PCDHA10: variants seen among roughly 807,000 people sequenced by gnomAD.
The protein encoded by PCDHA10 is protocadherin alpha-10.
In PCDHA10, 45 loss-of-function variants were observed where a neutral mutation model predicts 61.2. The observed-to-expected ratio is 0.74, with a 90% CI of 0.58 to 0.94. The LOEUF (loss-of-function observed/expected upper bound fraction) is 0.94. Among genes scored for constraint, PCDHA10 ranks in the 40% least tolerant of loss-of-function variants. The pLI, the probability that PCDHA10 is intolerant of heterozygous loss-of-function variation, is 0.00. For missense variants in PCDHA10, 1,278 were observed against 1,236.2 expected (o/e 1.03, Z -0.51); for synonymous variants, 602 against 548.8 (o/e 1.10, Z -1.35).
intron 1 of PCDHA10, among the ~76,000 whole-genome samples, chr5:140,959,354 A>C (rs1021119947): frequency 2.0e-5 from 3 of 152,244 alleles, no homozygotes; most frequent in African/African-American, 7.2e-5. Context: ...CAGCGGGACA[A>C]CTGAGTGAGA....
rs781926711 is a variant in PCDHA10, at chr5:140,857,551, C to G, written c.1503C>G (p.Arg501=). 5 of 1,596,944 alleles carry G rather than the reference C, an allele frequency of 3.1e-6. No individual in the cohort carries two copies. The change falls in exon 1 of 4, where the codon CGC becomes CGG. Residue 501 remains arginine, a synonymous_variant. Transcript: ENST00000307360. ...TGGTGGAGCGGCGGTTGGGCGAGCG[C>G]TCGCTGTCGAGCTACGTGTCGGTGC... ...YSLVERRLGE[R]SLSSYVSVHA... is the part of the protein sequence containing the mutation.
intron 1 of PCDHA10, among the ~76,000 whole-genome samples, chr5:140,936,341 A>G (rs954946684): frequency 7.2e-5 from 11 of 152,172 alleles, no homozygotes; most frequent in African/African-American, 2.7e-4. Flanking sequence ...CTCTATCTGC[A>G]TATATGGAAT....
chr5:140,973,388 G>T (rs1192097180), intron 1 of PCDHA10, among the ~76,000 whole-genome samples: 4 of 152,202 alleles, frequency 2.6e-5, no homozygotes, highest in South Asian at 4.1e-4. Flanking sequence ...AATAGACAAA[G>T]AAATCATATC....
At chr5:140,983,168 C>G (rs2097030716) in intron 3 of PCDHA10, among the ~76,000 whole-genome samples, 1 of 152,146 alleles carries the variant, frequency 6.6e-6, no homozygotes. Context: ...CCAAACATGA[C>G]CGCCTCACAA....
In PCDHA10 at chr5:140,986,314, A is replaced by G. The variant is rs551389701; in HGVS notation, c.2536+3751A>G. On this transcript the variant is annotated intron_variant, in intron 3 of 3. Transcript: ENST00000307360. ...TGAGCAGAGAGAGAAAATTAGCTAA[A>G]TCAGGAATGCAGGGAATACAGTTGC... 9.4e-4 allele frequency among the ~76,000 whole-genome samples: 143 copies of G among 152,196 alleles called. 1 individual carries two copies. The highest frequency in any genetic ancestry group is 1.6e-3 in the Non-Finnish European group (110 of 68,030).
chr5:140,954,599 C>T (rs1554221480), intron 1 of PCDHA10, among the ~76,000 whole-genome samples: 1 of 152,042 alleles, frequency 6.6e-6, no homozygotes, highest in East Asian at 1.9e-4. Flanking sequence ...ATGTTCTTTG[C>T]CCACTTTTTA....
Position 140,927,704 on chromosome 5 carries a change from C to T in PCDHA10, c.2389-51245C>T, listed in dbSNP as rs782172290. ...GGGTCCAATGGGGAAGTCCAGTACT[C>T]CCTAAGCAACAGCACGCAAGCAGAG... On this transcript the variant is annotated intron_variant, in intron 1 of 3. Coordinates refer to ENST00000307360, the MANE Select transcript of PCDHA10 (RefSeq NM_018901.4). 6.2e-6 allele frequency: 10 copies of T among 1,614,072 alleles called. No homozygotes were observed. In the Admixed American group the frequency reaches 1.2e-4, roughly 19 times the overall value.
intron 2 of PCDHA10, among the ~76,000 whole-genome samples, chr5:140,981,648 C>T (rs1294806137): frequency 6.6e-6 from 1 of 152,020 alleles, no homozygotes; most frequent in Non-Finnish European, 1.5e-5. Context: ...TCTTAGGATC[C>T]CACTTATTTC....
intron 2 of PCDHA10, among the ~76,000 whole-genome samples, chr5:140,979,729 C>CA: frequency 6.6e-6 from 1 of 152,232 alleles, no homozygotes; most frequent in African/African-American, 2.4e-5. Flanking sequence ...GCCATGGGGC[C>CA]AAATAAAAGA....
chr5:140,990,956 G>T (rs1179435982), intron 3 of PCDHA10, among the ~76,000 whole-genome samples: 1 of 152,136 alleles, frequency 6.6e-6, no homozygotes, highest in Non-Finnish European at 1.5e-5. Context: ...TGTAGAAATA[G>T]TCTCTTAGAA....
In PCDHA10 at chr5:141,010,994, G is replaced by A. The variant is rs1338532762; in HGVS notation, c.*1057G>A. ...TTTAAGAGAATTGCCTGAAACATCTGTATTATATCGGCCACCTGCCAATCA... is the reference window on the plus strand; with the variant it reads ...TTTAAGAGAATTGCCTGAAACATCTATATTATATCGGCCACCTGCCAATCA... On this transcript the variant is annotated 3_prime_UTR_variant, in exon 4 of 4. Transcript: ENST00000307360. The A allele has an allele frequency of 6.5e-6, 1 of 153,710 alleles. No homozygotes were observed. The highest frequency in any genetic ancestry group is 1.5e-5 in the Non-Finnish European group (1 of 68,046). The allele number at this position is 153,710 out of a possible 1,614,324, so 9.5% of individuals were successfully genotyped here.
intron 1 of PCDHA10, chr5:140,875,909 C>A (rs1554168058): frequency 1.2e-6 from 2 of 1,614,048 alleles, no homozygotes; most frequent in African/African-American, 2.7e-5. Flanking sequence ...TCTGAATCTG[C>A]GCCTCTGGAC....
At chr5:140,927,360 T>G in intron 1 of PCDHA10, 1 of 1,613,972 alleles carries the variant, frequency 6.2e-7, no homozygotes, top group Non-Finnish European at 8.5e-7. Flanking sequence ...AGGGAAGCAA[T>G]GGGATACTAA....
intron 1 of PCDHA10, among the ~76,000 whole-genome samples, chr5:140,886,582 C>A (rs1304608793): frequency 6.6e-6 from 1 of 151,938 alleles, no homozygotes; most frequent in African/African-American, 2.4e-5. Flanking sequence ...AATCCCAGCA[C>A]TTTGGGAGGC....
At chr5:140,927,946 G>T (rs1341193072) in intron 1 of PCDHA10, 1 of 1,614,096 alleles carries the variant, frequency 6.2e-7, no homozygotes, top group African/African-American at 1.3e-5. Context: ...AGTACCTGAG[G>T]ACGCTGCCCC....
At chr5:140,969,346 AG>A (rs2096322383) in intron 1 of PCDHA10, 1 of 1,613,510 alleles carries the variant, frequency 6.2e-7, no homozygotes, top group African/African-American at 1.3e-5. Flanking sequence ...GACAGTGGTC[AG>A]GGGGTCTTCT....
intron 1 of PCDHA10, among the ~76,000 whole-genome samples, chr5:140,896,952 T>G (rs2153454853): frequency 6.6e-6 from 1 of 152,352 alleles, no homozygotes; most frequent in East Asian, 1.9e-4. Context: ...GCCATTCCCT[T>G]AAACATTTAT....
chr5:140,955,726 C>T (rs934215613), intron 1 of PCDHA10, among the ~76,000 whole-genome samples: 1 of 152,264 alleles, frequency 6.6e-6, no homozygotes, highest in East Asian at 1.9e-4. Context: ...ACCATTGAAT[C>T]TATAAATTAC....
At chr5:140,961,548 T>G (rs2095620507) in intron 1 of PCDHA10, among the ~76,000 whole-genome samples, 2 of 152,230 alleles carry the variant, frequency 1.3e-5, no homozygotes, top group Non-Finnish European at 2.9e-5. Flanking sequence ...CCTGCAGCAT[T>G]TCTTTTTTTA....
Sources: allele counts gnomAD v4.1 joint callset (sites outside exome capture counted in the v4.1 genomes callset), GRCh38; gene constraint gnomAD v4.1.1; transcripts MANE v1.5; gene names NCBI Gene and HGNC (gene_info 2026-07-23, HGNC 2026-07-21).